FGF13: variants seen among roughly 807,000 people sequenced by gnomAD.
FGF13 encodes fibroblast growth factor homologous factor 2.
FGF13 carries 2 observed loss-of-function variants against 19.5 expected under a neutral mutation model. That is an observed-to-expected ratio of 0.10 (90% CI 0.04 to 0.32). The LOEUF is 0.32. FGF13 is among the 10% of genes least tolerant of loss of function. The pLI is 1.00. For missense variants in FGF13, 113 were observed against 192.7 expected, an observed-to-expected ratio of 0.59 and a Z score of 2.45; for synonymous variants, 72 against 76.9, an observed-to-expected ratio of 0.94 and a Z score of 0.33.
intron 3 of FGF13, among the ~76,000 whole-genome samples, chrX:138,847,528 T>C (rs757789313): frequency 2.7e-5 from 3 of 111,797 alleles, no homozygotes; most frequent in East Asian, 5.7e-4. Flanking sequence ...TTTCATGTGC[T>C]GGAGTGAGTG....
chrX:138,765,304 A>G (rs1055117834), intron 3 of FGF13, among the ~76,000 whole-genome samples: 30 of 112,048 alleles, frequency 2.7e-4, no homozygotes, highest in African/African-American at 9.4e-4. Context: ...ACCCCTTCAG[A>G]AAATTCCAGA....
intron 1 of FGF13, among the ~76,000 whole-genome samples, chrX:138,924,012 C>A (rs1311915353): frequency 8.9e-6 from 1 of 112,070 alleles, no homozygotes. Context: ...CATGTTGAAA[C>A]TTTGATACTA....
intron 1 of FGF13, among the ~76,000 whole-genome samples, chrX:139,175,845 A>G (rs1007161025): frequency 6.3e-5 from 7 of 111,967 alleles, no homozygotes; most frequent in South Asian, 3.7e-4. Flanking sequence ...CATCATGGAT[A>G]TTGGCCTGAA....
At position 138,642,906 on chromosome X, in the gene FGF13, G is replaced by A. The variant is rs369755246; in HGVS notation, c.403-7251C>T. Among the ~76,000 whole-genome samples, 13 of 112,116 alleles carry A rather than the reference G, an allele frequency of 1.2e-4. No homozygotes were observed. The East Asian group carries it at 2.5e-3, about 22-fold the overall frequency. ...AAAAATACACAGGTTAATTAGCAAC[G>A]ATTTCTAAAGAAATGCAAATTGGAA... On this transcript the variant is annotated intron_variant, in intron 3 of 4. Coordinates refer to ENST00000315930, the MANE Select transcript of FGF13 (RefSeq NM_004114.5).
intron 1 of FGF13, among the ~76,000 whole-genome samples, chrX:139,110,490 G>A (rs1463611294): frequency 9.0e-6 from 1 of 110,749 alleles, no homozygotes; most frequent in Non-Finnish European, 1.9e-5. Flanking sequence ...TTTCCACTTT[G>A]CTTCTCCCTC....
chrX:139,010,056 A>G (rs1243410755), intron 1 of FGF13, among the ~76,000 whole-genome samples: 1 of 112,289 alleles, frequency 8.9e-6, no homozygotes, highest in Admixed American at 9.4e-5. Flanking sequence ...TTAAAAGATA[A>G]AGAGGAACAT....
chrX:138,857,785 T>C, intron 2 of FGF13: 7 of 686,430 alleles, frequency 1.0e-5, no homozygotes, highest in Non-Finnish European at 1.4e-5. Flanking sequence ...ACAACAGCCC[T>C]AAGAAAAGTT....
At chrX:138,698,051 A>G (rs912775505) in intron 3 of FGF13, among the ~76,000 whole-genome samples, 1 of 110,931 alleles carries the variant, frequency 9.0e-6, no homozygotes, top group Non-Finnish European at 1.9e-5. Context: ...GACTCAGCAT[A>G]TATCATGGAC....
intron 1 of FGF13, among the ~76,000 whole-genome samples, chrX:138,942,089 T>A (rs910961361): frequency 8.9e-6 from 1 of 112,189 alleles, no homozygotes; most frequent in Non-Finnish European, 1.9e-5. Flanking sequence ...ATTGAGCCAC[T>A]ATGTAAGGAT....
intron 1 of FGF13, among the ~76,000 whole-genome samples, chrX:138,908,391 T>C (rs1055511055): frequency 1.8e-5 from 2 of 109,035 alleles, no homozygotes; most frequent in Admixed American, 2.0e-4. Context: ...TTTTCTTTTT[T>C]TTTTTTTTCA....
intron 2 of FGF13, among the ~76,000 whole-genome samples, chrX:138,707,025 T>C (rs1219811899): frequency 1.8e-5 from 2 of 112,460 alleles, no homozygotes; most frequent in Non-Finnish European, 3.8e-5. Context: ...ATATCATTAG[T>C]AGTACACAGA....
intron 2 of FGF13, among the ~76,000 whole-genome samples, chrX:138,707,028 T>G (rs1014383374): frequency 8.9e-6 from 1 of 112,380 alleles, no homozygotes; most frequent in African/African-American, 3.2e-5. Context: ...TCATTAGTAG[T>G]ACACAGAAAT....
chrX:138,817,227 T>A lies in FGF13; in HGVS notation c.217+40285A>T, dbSNP rs1243651754. ...TTGAGAACTTGTGAGTCCTGCTTAA[T>A]AGGACTTAGGTATACCGCCTTGTGG... On this transcript the variant is annotated intron_variant, in intron 3 of 6. Coordinates refer to the FGF13 transcript ENST00000436198. Among the ~76,000 whole-genome samples the A allele has an allele frequency of 2.7e-5, 3 of 111,583 alleles. No individual in the cohort carries two copies. The East Asian group carries it at 8.5e-4, about 32-fold the overall frequency.
At chrX:138,721,178 C>T (rs1011673820) in intron 1 of FGF13, among the ~76,000 whole-genome samples, 1 of 111,558 alleles carries the variant, frequency 9.0e-6, no homozygotes. Context: ...CCTGATATAA[C>T]TGGCGTGAGG....
At chrX:138,802,578 A>AT (rs896447949) in intron 3 of FGF13, among the ~76,000 whole-genome samples, 1 of 111,392 alleles carries the variant, frequency 9.0e-6, no homozygotes, top group Non-Finnish European at 1.9e-5. Context: ...ACTTCCTTGA[A>AT]TTTTTTTAAG....
At chrX:138,749,699 G>A (rs1602782542) in intron 3 of FGF13, among the ~76,000 whole-genome samples, 1 of 111,654 alleles carries the variant, frequency 9.0e-6, no homozygotes, top group East Asian at 2.8e-4. Context: ...TGCAGGCTTG[G>A]GACAGTCTAG....
At chrX:138,836,442 C>T in intron 3 of FGF13, among the ~76,000 whole-genome samples, 1 of 111,863 alleles carries the variant, frequency 8.9e-6, no homozygotes, top group African/African-American at 3.2e-5. Flanking sequence ...AGCCAGTCTT[C>T]AAGCTCTGAG....
chrX:138,927,588 G>GACTT (rs2091680393), intron 1 of FGF13, among the ~76,000 whole-genome samples: 1 of 112,030 alleles, frequency 8.9e-6, no homozygotes, highest in Non-Finnish European at 1.9e-5. Flanking sequence ...ATTCCCCACA[G>GACTT]ACTTAGAACA....
At chrX:138,863,272 T>G (rs1355929219) in intron 2 of FGF13, among the ~76,000 whole-genome samples, 3 of 111,710 alleles carry the variant, frequency 2.7e-5, no homozygotes, top group Non-Finnish European at 5.6e-5. Context: ...TCATTGACCA[T>G]TTATATGTGG....
Sources: allele counts gnomAD v4.1 joint callset (sites outside exome capture counted in the v4.1 genomes callset), GRCh38; gene constraint gnomAD v4.1.1; transcripts MANE v1.5; gene names NCBI Gene and HGNC (gene_info 2026-07-23, HGNC 2026-07-21).